Variants in SORCS1 observed in about 807,000 individuals in gnomAD.
SORCS1 encodes the protein VPS10 domain-containing receptor SorCS1.
A neutral mutation model predicts 146.1 loss-of-function variants in SORCS1; 60 were observed. The ratio of observed to expected loss-of-function variants is 0.41; its 90% CI spans 0.33 to 0.51. SORCS1 has a LOEUF of 0.51. Ranked by LOEUF, SORCS1 falls within the 20% of genes least tolerant of loss-of-function variation. The pLI is 0.21. For missense variants in SORCS1, 1,352 were observed against 1,487.6 expected, an observed-to-expected ratio of 0.91 and a Z score of 1.50; for synonymous variants, 637 against 584.0, an observed-to-expected ratio of 1.09 and a Z score of -1.31.
intron 2 of SORCS1, among the ~76,000 whole-genome samples, chr10:106,857,480 C>T (rs976451962): frequency 6.6e-6 from 1 of 152,176 alleles, no homozygotes; most frequent in East Asian, 1.9e-4. Flanking sequence ...GCAGCTGCAG[C>T]GTCTGTGTTT....
intron 2 of SORCS1, among the ~76,000 whole-genome samples, chr10:106,845,632 G>A (rs1949286651): frequency 2.2e-5 from 1 of 45,658 alleles, no homozygotes; most frequent in Non-Finnish European, 4.9e-5. Context: ...ATTGCTTTTG[G>A]TGTTTTGGAC....
chr10:107,093,005 G>A (rs996036741), intron 1 of SORCS1, among the ~76,000 whole-genome samples: 1 of 151,882 alleles, frequency 6.6e-6, no homozygotes, highest in Non-Finnish European at 1.5e-5. Context: ...ATGAGCTAGG[G>A]AGCTTTCTTT....
At chr10:107,123,731 T>C (rs1966534993) in intron 1 of SORCS1, among the ~76,000 whole-genome samples, 1 of 152,098 alleles carries the variant, frequency 6.6e-6, no homozygotes, top group South Asian at 2.1e-4. Flanking sequence ...ATTTACTAGC[T>C]AGGGGACTTG....
chr10:106,765,842 T>C (rs1859527437), intron 4 of SORCS1, among the ~76,000 whole-genome samples: 1 of 152,044 alleles, frequency 6.6e-6, no homozygotes. Context: ...TAGAAAGTCT[T>C]TTCAATATTC....
chr10:107,076,222 C>G (rs1962870834), intron 1 of SORCS1, among the ~76,000 whole-genome samples: 1 of 152,062 alleles, frequency 6.6e-6, no homozygotes, highest in Non-Finnish European at 1.5e-5. Context: ...TATCTAAATA[C>G]TTATGCTATA....
chr10:106,732,126 C>T (rs1362353202), intron 5 of SORCS1, among the ~76,000 whole-genome samples: 1 of 152,188 alleles, frequency 6.6e-6, no homozygotes, highest in Non-Finnish European at 1.5e-5. Context: ...TTATCGCTGT[C>T]AATAAGTTTT....
intron 1 of SORCS1, among the ~76,000 whole-genome samples, chr10:107,070,996 A>G (rs1962370211): frequency 6.6e-6 from 1 of 152,154 alleles, no homozygotes; most frequent in Non-Finnish European, 1.5e-5. Flanking sequence ...TGTGGCATCT[A>G]CTAGGTGCTT....
intron 1 of SORCS1, among the ~76,000 whole-genome samples, chr10:106,990,489 C>T (rs917812472): frequency 6.6e-6 from 1 of 152,018 alleles, no homozygotes; most frequent in Non-Finnish European, 1.5e-5. Context: ...AGGCTGGTCT[C>T]GAACTCCTGA....
At chr10:107,118,108 G>A (rs1347335607) in intron 1 of SORCS1, among the ~76,000 whole-genome samples, 1 of 152,072 alleles carries the variant, frequency 6.6e-6, no homozygotes, top group Non-Finnish European at 1.5e-5. Flanking sequence ...GCCTACAGGA[G>A]GTGTATAGGT....
intron 3 of SORCS1, among the ~76,000 whole-genome samples, chr10:106,821,324 C>T (rs1948011722): frequency 6.6e-6 from 1 of 152,058 alleles, no homozygotes; most frequent in African/African-American, 2.4e-5. Context: ...ATGAAAAAAG[C>T]ATTATCTAAA....
chr10:106,722,355 C>T (rs1855845894), intron 6 of SORCS1, among the ~76,000 whole-genome samples: 1 of 152,128 alleles, frequency 6.6e-6, no homozygotes, highest in South Asian at 2.1e-4. Flanking sequence ...TTTTGACATA[C>T]TTACTGTTCA....
At chr10:106,871,603 G>C (rs1698411139) in intron 2 of SORCS1, among the ~76,000 whole-genome samples, 1 of 152,212 alleles carries the variant, frequency 6.6e-6, no homozygotes, top group Non-Finnish European at 1.5e-5. Flanking sequence ...AACATGAATA[G>C]AGATGGAGGC....
At chr10:106,589,429 T>A (rs1845459876) in intron 24 of SORCS1, among the ~76,000 whole-genome samples, 1 of 152,178 alleles carries the variant, frequency 6.6e-6, no homozygotes, top group South Asian at 2.1e-4. Flanking sequence ...AGGGTTCTCA[T>A]GAGAACAAAG....
chr10:107,102,865 G>A (rs935633373), intron 1 of SORCS1, among the ~76,000 whole-genome samples: 1 of 152,084 alleles, frequency 6.6e-6, no homozygotes, highest in Admixed American at 6.5e-5. Context: ...TACAATCCCT[G>A]TCCACAATAT....
chr10:106,924,832 A>G (rs1242165244), intron 2 of SORCS1, among the ~76,000 whole-genome samples: 1 of 151,564 alleles, frequency 6.6e-6, no homozygotes, highest in Non-Finnish European at 1.5e-5. Context: ...TCTTGACAAG[A>G]ATGGACAAGC....
intron 2 of SORCS1, among the ~76,000 whole-genome samples, chr10:106,906,317 T>A (rs1951907702): frequency 6.6e-6 from 1 of 152,190 alleles, no homozygotes. Context: ...ATTTGCCATG[T>A]TGGCCAGGCT....
At chr10:107,125,095 G>A (rs867154794) in intron 1 of SORCS1, among the ~76,000 whole-genome samples, 1 of 151,502 alleles carries the variant, frequency 6.6e-6, no homozygotes, top group South Asian at 2.1e-4. Context: ...TGGGACTACA[G>A]GCATGCACCA....
At chr10:106,626,072 A>G (rs1255555446) in intron 19 of SORCS1, among the ~76,000 whole-genome samples, 1 of 152,124 alleles carries the variant, frequency 6.6e-6, no homozygotes. Context: ...TTTGTTTCAG[A>G]TGACCTTTGC....
intron 1 of SORCS1, among the ~76,000 whole-genome samples, chr10:106,963,209 G>T (rs369181873): frequency 7.2e-6 from 1 of 138,794 alleles, no homozygotes; most frequent in Non-Finnish European, 1.5e-5. Context: ...TCCGCCTCCC[G>T]GGTTCACGCC....
Sources: gnomAD v4.1 joint callset for allele counts (sites outside exome capture counted in the v4.1 genomes callset) on GRCh38, gnomAD v4.1.1 for gene constraint, MANE v1.5 for transcripts, NCBI Gene and HGNC (gene_info 2026-07-23, HGNC 2026-07-21) for gene names.